Variants in ACTR3C observed in about 807,000 individuals in gnomAD.
The protein encoded by ACTR3C is actin-related protein 3C.
Under a neutral mutation model 26.3 loss-of-function variants are expected in ACTR3C, and 18 were observed. That is an observed-to-expected ratio of 0.68 (90% confidence interval 0.47 to 1.01). The LOEUF (loss-of-function observed/expected upper bound fraction) is 1.01, where lower values mean the gene tolerates loss of function less well. Among genes scored for constraint, ACTR3C ranks in the 50% least tolerant of loss-of-function variants. ACTR3C has a pLI of 0.00. For synonymous variants in ACTR3C, 55 were observed against 94.5 expected (o/e 0.58, Z 2.42); for missense variants, 184 against 250.7 (o/e 0.73, Z 1.80).
downstream of ACTR3C, among the ~76,000 whole-genome samples, chr7:150,242,018 C>G (rs1449658927): frequency 6.6e-6 from 1 of 152,094 alleles, no homozygotes; most frequent in East Asian, 1.9e-4. Context: ...GAGTTCAAAA[C>G]CAGCCTGACC....
At chr7:150,123,090 G>A in the ACTR3C span, among the ~76,000 whole-genome samples, 12 of 151,284 alleles carry the variant, frequency 7.9e-5, no homozygotes, top group Non-Finnish European at 1.5e-4. Flanking sequence ...TGTCGAGGGT[G>A]GGGGACAAGG....
At chr7:150,298,110 AGGT>A (rs770802281) in intron 1 of ACTR3C, among the ~76,000 whole-genome samples, 35 of 151,208 alleles carry the variant, frequency 2.3e-4, no homozygotes, top group Non-Finnish European at 4.6e-4. Context: ...AATCAAAAGC[AGGT>A]GGTGGAGAGA....
the ACTR3C span, among the ~76,000 whole-genome samples, chr7:150,234,487 GC>G: frequency 3.3e-5 from 5 of 152,018 alleles, no homozygotes; most frequent in African/African-American, 1.2e-4. Flanking sequence ...GCTTGGTGGG[GC>G]TTCTGGAGGT....
At chr7:150,170,702 T>C in the ACTR3C span, among the ~76,000 whole-genome samples, 16 of 150,630 alleles carry the variant, frequency 1.1e-4, no homozygotes, top group South Asian at 3.1e-3. Flanking sequence ...CTCCTATCAC[T>C]CAAGACATTT....
Position 150,249,059 on chromosome 7 carries a change from A to G in ACTR3C, c.565-5T>C, listed in dbSNP as rs1832652818. 1 of 667,576 alleles carries G rather than the reference A, an allele frequency of 1.5e-6. No homozygotes were observed. Among genetic ancestry groups the G allele is most frequent in the Middle Eastern group, 2.4e-4 (1 of 4,226 alleles). The allele number at this position is 667,576 out of a possible 1,614,324, so 41.4% of individuals were successfully genotyped here. ...GCTCAGTGGAATTTGTTCCATCTGAAAAACAGAGAAAACAGTTATAGGGCA... is the reference window on the plus strand; with the variant it reads ...GCTCAGTGGAATTTGTTCCATCTGAGAAACAGAGAAAACAGTTATAGGGCA... On this transcript the variant is annotated splice_polypyrimidine_tract_variant and splice_region_variant and intron_variant, in intron 6 of 7. Coordinates refer to ENST00000683684, the MANE Select transcript of ACTR3C (RefSeq NM_001164458.2).
intron 1 of ACTR3C, 93 bp downstream of exon 1, chr7:150,323,376 G>A: frequency 3.4e-6 from 1 of 293,640 alleles, no homozygotes; most frequent in Non-Finnish European, 6.6e-6. Context: ...TGCGGCGCTG[G>A]GAGAAGCACG....
chr7:149,936,036 C>T, the ACTR3C span, among the ~76,000 whole-genome samples: 1 of 152,106 alleles, frequency 6.6e-6, no homozygotes, highest in Non-Finnish European at 1.5e-5. Flanking sequence ...CTGGCATTCC[C>T]TCCCCGCACC....
At chr7:150,113,450 G>A in the ACTR3C span, among the ~76,000 whole-genome samples, 1 of 112,938 alleles carries the variant, frequency 8.9e-6, no homozygotes, top group Non-Finnish European at 1.8e-5. Flanking sequence ...TTCTAAGCCT[G>A]TTAGTTCACA....
chr7:150,121,104 T>C, the ACTR3C span, among the ~76,000 whole-genome samples: 3 of 152,142 alleles, frequency 2.0e-5, no homozygotes, highest in African/African-American at 7.2e-5. Context: ...AAGAACTATT[T>C]ATGACAAACC....
the ACTR3C span, among the ~76,000 whole-genome samples, chr7:150,071,486 G>C: frequency 6.7e-6 from 1 of 149,612 alleles, no homozygotes; most frequent in African/African-American, 2.5e-5. Flanking sequence ...CATAGAGCCA[G>C]ATAGAAATGG....
At chr7:150,288,192 C>A (rs961133741) in intron 4 of ACTR3C, among the ~76,000 whole-genome samples, 1 of 142,874 alleles carries the variant, frequency 7.0e-6, no homozygotes, top group African/African-American at 2.8e-5. Context: ...CCAGCCTTCA[C>A]TGGGGGGAGA....
chr7:150,148,652 AT>A, the ACTR3C span, among the ~76,000 whole-genome samples: 500 of 152,224 alleles, frequency 3.3e-3, 16 homozygotes, highest in Admixed American at 0.031. Context: ...ATTGTTTTAC[AT>A]TTTTACAATT....
rs191227664 is a variant in ACTR3C at position 150,280,815 on chromosome 7, T to C, written c.564+3938A>G. On this transcript the variant is annotated intron_variant, in intron 6 of 7. Coordinates refer to ENST00000683684, the MANE Select transcript of ACTR3C (RefSeq NM_001164458.2). ...TGCTCTTGATGTGTGTGTGTGTGTGTGTGTATATATATATACACACACACA... is the reference window on the plus strand; with the variant it reads ...TGCTCTTGATGTGTGTGTGTGTGTGCGTGTATATATATATACACACACACA... 3.5e-4 allele frequency among the ~76,000 whole-genome samples: 51 copies of C among 146,624 alleles called. No homozygotes were observed. The East Asian group carries it at 9.9e-3, about 29-fold the overall frequency.
chr7:150,029,598 C>T, the ACTR3C span, among the ~76,000 whole-genome samples: 396 of 152,126 alleles, frequency 2.6e-3, 12 homozygotes, highest in East Asian at 0.063. Context: ...AAAACTCTTA[C>T]ACTGCTCTCC....
At chr7:149,953,686 A>G in the ACTR3C span, among the ~76,000 whole-genome samples, 1 of 152,282 alleles carries the variant, frequency 6.6e-6, no homozygotes, top group African/African-American at 2.4e-5. Flanking sequence ...TGAATATGGC[A>G]GACTCTTTTC....
chr7:150,179,293 C>T, the ACTR3C span, among the ~76,000 whole-genome samples: 1 of 143,008 alleles, frequency 7.0e-6, no homozygotes. Flanking sequence ...GGACCAGTCC[C>T]GAACCATTAA....
chr7:150,181,030 A>G, the ACTR3C span, among the ~76,000 whole-genome samples: 3 of 151,412 alleles, frequency 2.0e-5, no homozygotes, highest in African/African-American at 7.4e-5. Flanking sequence ...TTAATATATA[A>G]GCAGATTGAA....
chr7:150,199,909 A>T, the ACTR3C span, among the ~76,000 whole-genome samples: 1 of 152,154 alleles, frequency 6.6e-6, no homozygotes, highest in African/African-American at 2.4e-5. Flanking sequence ...AGGAACAACA[A>T]GGTACGGGAA....
chr7:150,177,886 A>G, the ACTR3C span, among the ~76,000 whole-genome samples: 1 of 150,826 alleles, frequency 6.6e-6, no homozygotes, highest in Non-Finnish European at 1.5e-5. Flanking sequence ...CATATTGTAG[A>G]TAGACAATTA....
Sources: allele counts gnomAD v4.1 joint callset (sites outside exome capture counted in the v4.1 genomes callset), GRCh38; gene constraint gnomAD v4.1.1; transcripts MANE v1.5; gene names NCBI Gene and HGNC (gene_info 2026-07-23, HGNC 2026-07-21).